MAPRE2: variants seen among roughly 807,000 people sequenced by gnomAD.
The protein encoded by MAPRE2 is microtubule-associated protein RP/EB family member 2.
Under a neutral mutation model 43.2 loss-of-function variants are expected in MAPRE2, and 13 were observed. That is an observed-to-expected ratio of 0.30 (90% CI 0.20 to 0.48). The LOEUF is 0.48. Ranked by LOEUF, MAPRE2 falls within the 20% of genes least tolerant of loss-of-function variation. MAPRE2 has a pLI of 0.99. For missense variants in MAPRE2, 161 were observed against 400.2 expected (o/e 0.40, Z 5.10); for synonymous variants, 135 against 148.8 (o/e 0.91, Z 0.68).
At chr18:35,095,221 TAAG>T (rs982622357) in intron 2 of MAPRE2, among the ~76,000 whole-genome samples, 9 of 152,090 alleles carry the variant, frequency 5.9e-5, no homozygotes, top group Non-Finnish European at 8.8e-5. Context: ...GATATAAAAA[TAAG>T]AAAGCCATTA....
rs1247359449 is a variant in MAPRE2, at chr18:35,016,712, T to C, written c.-8+11159T>C. Among the ~76,000 whole-genome samples the C allele has an allele frequency of 2.0e-5, 3 of 152,120 alleles. No homozygotes were observed. The East Asian group carries it at 5.8e-4, about 29-fold the overall frequency. On this transcript the variant is annotated intron_variant, in intron 2 of 7. Transcript: ENST00000413393. Reference sequence around the variant, plus strand: ...ATAGACTCTGGATATTAGACCTTTGTTGGATGCATAGTTTGTGAATATTTT... The same window carrying C: ...ATAGACTCTGGATATTAGACCTTTGCTGGATGCATAGTTTGTGAATATTTT...
rs758076167 is a variant in MAPRE2 at position 35,102,047 on chromosome 18, G to A, written c.498G>A (p.Glu166=). 3.7e-6 allele frequency: 6 copies of A among 1,613,426 alleles called. No individual in the cohort carries two copies. Among genetic ancestry groups the A allele is most frequent in the Non-Finnish European group, 3.4e-6 (4 of 1,179,658 alleles). Residue 166 remains glutamate (E), a synonymous_variant, in exon 4 of 7, where the codon GAG becomes GAA. Transcript: ENST00000300249. ...ATGATGCTAACTACGATGGGAAGGA[G>A]TATGATCCTGTAGAGGCACGACAAG... ...KFYDANYDGK[E]YDPVEARQGQ... is the part of the protein sequence containing the mutation.
At chr18:35,127,657 A>C (rs1569014421) in intron 5 of MAPRE2, 1 of 152,234 alleles carries the variant, frequency 6.6e-6, no homozygotes, top group Non-Finnish European at 1.5e-5. Flanking sequence ...TGCACACAGT[A>C]AGTTATTACA....
At chr18:34,978,484 C>T (rs1363595289) in intron 1 of MAPRE2, 6 of 1,549,758 alleles carry the variant, frequency 3.9e-6, no homozygotes, top group Admixed American at 2.0e-5. Flanking sequence ...TGAGGACCCG[C>T]GATTTACACT....
chr18:35,075,150 G>A (rs1303223624), intron 2 of MAPRE2, among the ~76,000 whole-genome samples: 7 of 152,148 alleles, frequency 4.6e-5, no homozygotes, highest in Admixed American at 2.0e-4. Context: ...TTCTGGTTAC[G>A]TGATGGCTAT....
chr18:35,005,241 T>C (rs2097031295), intron 1 of MAPRE2, among the ~76,000 whole-genome samples: 1 of 152,176 alleles, frequency 6.6e-6, no homozygotes, highest in Non-Finnish European at 1.5e-5. Flanking sequence ...TATACTAAAT[T>C]TTTATCAACT....
chr18:35,047,119 A>C (rs1905670122), intron 1 of MAPRE2, among the ~76,000 whole-genome samples: 1 of 152,240 alleles, frequency 6.6e-6, no homozygotes, highest in African/African-American at 2.4e-5. Context: ...GGCAGACTCC[A>C]GAGTGGATGG....
rs1908196027 is a variant in MAPRE2, at chr18:35,092,432, C to T, written c.251-5014C>T. ...ATGTGCAGAAGAATTAAACTAGATCCCTATCTCTTACCACATACAAAAATC... is the reference window on the plus strand; with the variant it reads ...ATGTGCAGAAGAATTAAACTAGATCTCTATCTCTTACCACATACAAAAATC... On this transcript the variant is annotated intron_variant, in intron 2 of 6. Transcript: ENST00000300249. Among the ~76,000 whole-genome samples the T allele has an allele frequency of 2.6e-5, 4 of 152,208 alleles. No individual in the cohort carries two copies. In the South Asian group the frequency reaches 8.3e-4, roughly 32 times the overall value.
intron 4 of MAPRE2, among the ~76,000 whole-genome samples, chr18:35,124,337 G>A (rs867044633): frequency 4.6e-5 from 7 of 152,056 alleles, no homozygotes; most frequent in African/African-American, 9.7e-5. Context: ...GGAGGTAACC[G>A]CCCCCCATGC....
chr18:34,985,503 T>TATATATTATATATTATAA (rs1555909528), intron 1 of MAPRE2, among the ~76,000 whole-genome samples: 2 of 42,728 alleles, frequency 4.7e-5, no homozygotes, highest in African/African-American at 2.0e-4. Context: ...TATTATATAA[T>TATATATTATATATTATAA]ATATAATATA....
intron 4 of MAPRE2, among the ~76,000 whole-genome samples, chr18:35,115,474 A>G (rs1909368567): frequency 6.6e-6 from 1 of 152,206 alleles, no homozygotes; most frequent in Non-Finnish European, 1.5e-5. Context: ...TCACCTGAGC[A>G]GTATACACTG....
chr18:35,035,784 C>T (rs375375323), intron 2 of MAPRE2, among the ~76,000 whole-genome samples: 57 of 147,092 alleles, frequency 3.9e-4, no homozygotes, highest in African/African-American at 1.2e-3. Context: ...TAGGTAAAAC[C>T]CTTCACAGTC....
chr18:35,115,520 C>G lies in MAPRE2; in HGVS notation c.611-11428C>G, dbSNP rs538682614. The stretch of plus-strand genomic sequence containing the variant: ...GTACTCTTTTATCCCACACTCAGCC[C>G]CCAACCTTCCCCACCCCCGAATCCC... On this transcript the variant is annotated intron_variant, in intron 4 of 6. Transcript: ENST00000300249. Among the ~76,000 whole-genome samples the G allele has an allele frequency of 1.4e-3, 216 of 152,160 alleles. 3 individuals are homozygous for G. Among genetic ancestry groups the G allele is most frequent in the African/African-American group, 4.5e-3 (187 of 41,530 alleles).
chr18:35,059,323 TAA>T (rs34590867), intron 1 of MAPRE2, among the ~76,000 whole-genome samples: 2 of 145,276 alleles, frequency 1.4e-5, no homozygotes, highest in African/African-American at 5.0e-5. Context: ...TACTCACCTT[TAA>T]AAAAAAAAAA....
rs576546343 is a variant in MAPRE2 at position 34,991,823 on chromosome 18, A to G, written c.-69-13669A>G. ...CTGACGCAGGTAAGCCATGCGGGAT[A>G]GGTAAAACAATTGTTGTGTTCTGTG... On this transcript the variant is annotated intron_variant, in intron 1 of 7. Coordinates refer to the MAPRE2 transcript ENST00000413393. Among the ~76,000 whole-genome samples the G allele has an allele frequency of 2.0e-5, 3 of 152,304 alleles. No individual in the cohort carries two copies. The South Asian group carries it at 6.2e-4, about 32-fold the overall frequency.
chr18:35,015,635 T>TGG (rs1441310287), intron 2 of MAPRE2, among the ~76,000 whole-genome samples: 1 of 26,642 alleles, frequency 3.8e-5, no homozygotes, highest in Non-Finnish European at 1.4e-4. Context: ...GGGATGGCAG[T>TGG]GTGTGTGTGT....
chr18:34,994,533 T>C (rs1346405642), intron 1 of MAPRE2, among the ~76,000 whole-genome samples: 2 of 152,134 alleles, frequency 1.3e-5, no homozygotes, highest in Non-Finnish European at 2.9e-5. Context: ...AAGGTCCTGT[T>C]CCAAGGATTT....
In MAPRE2 at chr18:35,012,475, C is replaced by T. The variant is rs569090789; in HGVS notation, c.-8+6922C>T. Among the ~76,000 whole-genome samples the T allele has an allele frequency of 6.4e-4, 97 of 152,168 alleles. 1 individual carries two copies. The highest frequency in any genetic ancestry group is 2.1e-3 in the African/African-American group (87 of 41,514). On this transcript the variant is annotated intron_variant, in intron 2 of 7. Transcript: ENST00000413393. ...TGTTCACAGCAGCAGCATTCACAGT[C>T]GCCAAAAGGTGGAAACAACCCAAGT...
intron 1 of MAPRE2, among the ~76,000 whole-genome samples, chr18:34,993,498 C>A (rs1409495872): frequency 6.6e-6 from 1 of 152,054 alleles, no homozygotes; most frequent in Non-Finnish European, 1.5e-5. Context: ...CTATAACAAC[C>A]TTTTCTTTGA....
Sources: allele counts gnomAD v4.1 joint callset (sites outside exome capture counted in the v4.1 genomes callset), GRCh38; gene constraint gnomAD v4.1.1; transcripts MANE v1.5; gene names NCBI Gene and HGNC (gene_info 2026-07-23, HGNC 2026-07-21).